Variants in AFAP1 observed in about 807,000 individuals in gnomAD.
AFAP1 encodes the protein actin filament associated protein 1, also known as actin filament-associated protein 1.
Under a neutral mutation model 93.9 loss-of-function variants are expected in AFAP1, and 75 were observed. That is an observed-to-expected ratio of 0.80 (90% confidence interval 0.66 to 0.97). The LOEUF (loss-of-function observed/expected upper bound fraction) is 0.97, where lower values mean the gene tolerates loss of function less well. AFAP1 is among the 50% of genes least tolerant of loss of function. The pLI is 0.00. For missense variants in AFAP1, 1,201 were observed against 1,050.8 expected (o/e 1.14, Z -1.98); for synonymous variants, 517 against 430.7 (o/e 1.20, Z -2.48).
rs186711106 is a variant in AFAP1, at chr4:7,863,144, G to A, written c.225+5478C>T. ...AACAATCTTTTGAAAAGCCAGGCGC[G>A]GTGGCTCACGCCTATAATCCTAACA... On this transcript the variant is annotated intron_variant, in intron 3 of 17. Transcript: ENST00000420658. Among the ~76,000 whole-genome samples, 76 of 152,342 alleles carry A rather than the reference G, an allele frequency of 5.0e-4. 2 individuals are homozygous for A. In the East Asian group the frequency reaches 0.012, roughly 25 times the overall value.
chr4:7,781,723 G>A (rs141630738), intron 12 of AFAP1, 96 bp from the exon 13 acceptor site: 12 of 1,454,910 alleles, frequency 8.2e-6, no homozygotes, highest in South Asian at 2.7e-5. Flanking sequence ...ACGGCATTTA[G>A]CATACATTGG....
At position 7,761,857 on chromosome 4, in the gene AFAP1, A is replaced by G. The variant is rs2269852; in HGVS notation, c.*1908T>C. 78,586 of 152,022 alleles carry G rather than the reference A, an allele frequency of 0.52. 22,969 individuals are homozygous for G. The highest frequency in any genetic ancestry group is 0.68 in the Non-Finnish European group (46,332 of 67,944). 9.4% of individuals were successfully genotyped at this position (152,022 alleles called of 1,614,324 possible). On this transcript the variant is annotated 3_prime_UTR_variant, in exon 18 of 18. Transcript: ENST00000420658. ...CTGGAGGGAGGGCTCCTCTATGGCA[A>G]TGCAGCGGACGGCCCTGAGGTGTGT... is the stretch of plus-strand genomic sequence containing the variant.
At chr4:7,795,568 G>A (rs1718336701) in intron 10 of AFAP1, among the ~76,000 whole-genome samples, 1 of 151,590 alleles carries the variant, frequency 6.6e-6, no homozygotes, top group Admixed American at 6.6e-5. Context: ...GGGACTACAG[G>A]TGCCCACCAC....
chr4:7,797,920 G>T (rs941839454), intron 10 of AFAP1, among the ~76,000 whole-genome samples: 1 of 152,216 alleles, frequency 6.6e-6, no homozygotes, highest in Non-Finnish European at 1.5e-5. Context: ...GCAGGGCTGT[G>T]CAAGAGACAG....
chr4:7,921,240 G>A (rs1482965433), intron 1 of AFAP1, among the ~76,000 whole-genome samples: 1 of 143,864 alleles, frequency 7.0e-6, no homozygotes, highest in African/African-American at 2.6e-5. Context: ...CTAGAGTGCA[G>A]TGGTGCACTC....
chr4:7,862,575 T>C (rs952439093), intron 3 of AFAP1, among the ~76,000 whole-genome samples: 2 of 152,178 alleles, frequency 1.3e-5, no homozygotes, highest in Non-Finnish European at 2.9e-5. Context: ...ACACTAAAAA[T>C]GGTTAAAATG....
At chr4:7,851,802 G>C (rs1312149799) in intron 4 of AFAP1, among the ~76,000 whole-genome samples, 1 of 152,126 alleles carries the variant, frequency 6.6e-6, no homozygotes, top group Non-Finnish European at 1.5e-5. Flanking sequence ...CCATCCCTGG[G>C]ATATCAGCTG....
intron 1 of AFAP1, among the ~76,000 whole-genome samples, chr4:7,915,540 C>T (rs1255779916): frequency 6.6e-6 from 1 of 152,116 alleles, no homozygotes; most frequent in Non-Finnish European, 1.5e-5. Context: ...TTTTTGACCT[C>T]CAAAAGTTAA....
chr4:7,795,339 G>T (rs1366067378), intron 10 of AFAP1, among the ~76,000 whole-genome samples: 3 of 146,128 alleles, frequency 2.1e-5, no homozygotes, highest in Non-Finnish European at 3.0e-5. Flanking sequence ...TGAATACCTG[G>T]ATTAAAACAA....
chr4:7,885,224 T>C (rs1428944009), intron 1 of AFAP1, among the ~76,000 whole-genome samples: 3 of 152,188 alleles, frequency 2.0e-5, no homozygotes, highest in Admixed American at 2.0e-4. Flanking sequence ...TTCTAGATTG[T>C]CTCTTTCCAC....
At chr4:7,901,696 C>T (rs1184019324) in intron 1 of AFAP1, among the ~76,000 whole-genome samples, 4 of 152,222 alleles carry the variant, frequency 2.6e-5, no homozygotes, top group South Asian at 2.1e-4. Flanking sequence ...TACACACACT[C>T]GGATTTTATG....
At chr4:7,863,403 A>G (rs1488585321) in intron 3 of AFAP1, among the ~76,000 whole-genome samples, 1 of 152,228 alleles carries the variant, frequency 6.6e-6, no homozygotes, top group African/African-American at 2.4e-5. Context: ...TGGGCGACAA[A>G]GCGAGACTGC....
At chr4:7,767,266 C>T (rs1714731037) in intron 17 of AFAP1, among the ~76,000 whole-genome samples, 1 of 152,208 alleles carries the variant, frequency 6.6e-6, no homozygotes, top group South Asian at 2.1e-4. Context: ...GCTTCCCATT[C>T]ACCAAGAGGG....
chr4:7,807,201 T>C (rs141487239), intron 9 of AFAP1, among the ~76,000 whole-genome samples: 1 of 97,526 alleles, frequency 1.0e-5, no homozygotes, highest in African/African-American at 7.1e-5. Flanking sequence ...ACCTGGAGCA[T>C]TAAAAAACAA....
intron 3 of AFAP1, among the ~76,000 whole-genome samples, chr4:7,858,741 G>A (rs1715350907): frequency 6.6e-6 from 1 of 152,130 alleles, no homozygotes; most frequent in South Asian, 2.1e-4. Flanking sequence ...CTGCAACCTT[G>A]CCAAGACTCC....
At chr4:7,848,120 G>C (rs1368258251) in intron 4 of AFAP1, among the ~76,000 whole-genome samples, 1 of 138,872 alleles carries the variant, frequency 7.2e-6, no homozygotes, top group Non-Finnish European at 1.5e-5. Flanking sequence ...AGGAAGGAAG[G>C]AAGGAAGGGA....
At chr4:7,832,440 A>G (rs1711739885) in intron 6 of AFAP1, among the ~76,000 whole-genome samples, 1 of 152,136 alleles carries the variant, frequency 6.6e-6, no homozygotes, top group Admixed American at 6.5e-5. Flanking sequence ...TGACAGCGAA[A>G]GAGACTGAAG....
In AFAP1 at chr4:7,809,604, G is replaced by A. The variant is rs372483255; in HGVS notation, c.1054+10C>T. 24 of 1,609,458 alleles carry A rather than the reference G, an allele frequency of 1.5e-5. No individual in the cohort carries two copies. Among genetic ancestry groups the A allele is most frequent in the East Asian group, 8.9e-5 (4 of 44,820 alleles). ...TGCACGCTGCTCGTCTCCGGGAAGC[G>A]CAGTCTTACCGCAGGTGGGAACATC... is the stretch of plus-strand genomic sequence containing the variant. On this transcript the variant is annotated intron_variant, in intron 9 of 17. Transcript: ENST00000420658.
At chr4:7,855,123 AGCAT>A (rs912359376) in intron 4 of AFAP1, among the ~76,000 whole-genome samples, 6 of 152,246 alleles carry the variant, frequency 3.9e-5, no homozygotes, top group Admixed American at 3.9e-4. Flanking sequence ...GCAGCCCAAG[AGCAT>A]CAAAGACTAA....
Sources: allele counts gnomAD v4.1 joint callset (sites outside exome capture counted in the v4.1 genomes callset), GRCh38; gene constraint gnomAD v4.1.1; transcripts MANE v1.5; gene names NCBI Gene and HGNC (gene_info 2026-07-23, HGNC 2026-07-21).